The following ADAM10 variants were observed in gnomAD, a reference collection of about 807,000 sequenced individuals.
The protein encoded by ADAM10 is ADAM metallopeptidase domain 10.
Under a neutral mutation model 90.1 loss-of-function variants are expected in ADAM10, and 17 were observed. That is an observed-to-expected ratio of 0.19 (90% CI 0.13 to 0.28). ADAM10 has a LOEUF of 0.28. Among genes scored for constraint, ADAM10 ranks in the 10% least tolerant of loss-of-function variants. ADAM10 has a pLI of 1.00. For synonymous variants in ADAM10, 310 were observed against 298.6 expected, an observed-to-expected ratio of 1.04 and a Z score of -0.40; for missense variants, 610 against 914.3, an observed-to-expected ratio of 0.67 and a Z score of 4.29.
chr15:58,690,108 G>A (rs1194395201), intron 2 of ADAM10, among the ~76,000 whole-genome samples: 1 of 152,136 alleles, frequency 6.6e-6, no homozygotes, highest in Admixed American at 6.5e-5. Context: ...AATCATCAAT[G>A]TAATTCACCG....
intron 4 of ADAM10, among the ~76,000 whole-genome samples, chr15:58,669,464 A>G (rs550179800): frequency 6.6e-6 from 1 of 152,130 alleles, no homozygotes; most frequent in Non-Finnish European, 1.5e-5. Context: ...AGGAGATTAC[A>G]CCTAAGTTGT....
At position 58,686,404 on chromosome 15, in the gene ADAM10, C is replaced by T. The variant is rs1246772392; in HGVS notation, c.207-4090G>A. 10 of 1,179,750 alleles carry T rather than the reference C, an allele frequency of 8.5e-6. No homozygotes were observed. The East Asian group carries it at 1.8e-4, about 21-fold the overall frequency. 73.1% of individuals were successfully genotyped at this position (1,179,750 alleles called of 1,614,324 possible). On this transcript the variant is annotated intron_variant, in intron 2 of 15. Coordinates refer to ENST00000260408, the MANE Select transcript of ADAM10 (RefSeq NM_001110.4). The stretch of plus-strand genomic sequence containing the variant: ...AGGCTGGGCCCTCGGAGCCCAGCGC[C>T]GCCACCATGTCCTCTGGGGCTAGCG...
intron 2 of ADAM10, chr15:58,692,961 AGGGTT>A (rs1897870457): frequency 2.7e-6 from 2 of 736,624 alleles, no homozygotes; most frequent in East Asian, 5.8e-5. Flanking sequence ...TGCATTCCCG[AGGGTT>A]GGGGATGATG....
At chr15:58,685,545 AATATATATATATAT>A (rs56776777) in intron 2 of ADAM10, among the ~76,000 whole-genome samples, 8,737 of 116,190 alleles carry the variant, frequency 0.075, 370 homozygotes, top group East Asian at 0.13. Flanking sequence ...TATGAAGGAG[AATATATATATATAT>A]ATATATATAT....
intron 2 of ADAM10, chr15:58,698,454 T>C (rs944160926): frequency 3.4e-6 from 1 of 292,308 alleles, no homozygotes; most frequent in East Asian, 1.2e-4. Context: ...CGTGAACCTG[T>C]AGTCCCAACT....
chr15:58,665,464 A>G (rs1033067481), intron 4 of ADAM10, among the ~76,000 whole-genome samples: 1 of 152,138 alleles, frequency 6.6e-6, no homozygotes, highest in Non-Finnish European at 1.5e-5. Flanking sequence ...ACCACTCATT[A>G]TTCTGACCCT....
At chr15:58,607,911 A>G (rs1461327472) in intron 14 of ADAM10, among the ~76,000 whole-genome samples, 1 of 152,138 alleles carries the variant, frequency 6.6e-6, no homozygotes, top group Non-Finnish European at 1.5e-5. Context: ...CAATGCCCTC[A>G]ATCCCTAATT....
In ADAM10 at chr15:58,599,629, A is replaced by G. The variant is rs374768516; in HGVS notation, c.2121T>C (p.Asn707=). Residue 707 remains asparagine (N), a synonymous_variant, in exon 15 of 16, where the codon AAT becomes AAC. Transcript: ENST00000260408. ...KICSVHTPSS[N]PKLPPPKPLP... ...GTGGTTTAGGAGGAGGCAACTTTGGATTACTACTTGGAGTATGAACACTGC... is the reference window on the plus strand; with the variant it reads ...GTGGTTTAGGAGGAGGCAACTTTGGGTTACTACTTGGAGTATGAACACTGC... 1 of 1,613,616 alleles carries G rather than the reference A, an allele frequency of 6.2e-7. No individual in the cohort carries two copies. Among genetic ancestry groups the G allele is most frequent in the Non-Finnish European group, 8.5e-7 (1 of 1,179,750 alleles).
chr15:58,702,055 G>A (rs1179812319), intron 2 of ADAM10, among the ~76,000 whole-genome samples: 6 of 152,062 alleles, frequency 3.9e-5, no homozygotes, highest in African/African-American at 4.8e-5. Context: ...GCAGTGAGCC[G>A]AGATCGCACC....
At chr15:58,626,574 G>C (rs879699104) in intron 10 of ADAM10, among the ~76,000 whole-genome samples, 4 of 152,106 alleles carry the variant, frequency 2.6e-5, no homozygotes, top group Non-Finnish European at 5.9e-5. Context: ...CATAACAGAT[G>C]ACTGGAAGAA....
chr15:58,737,971 A>C (rs1899484898), intron 1 of ADAM10, among the ~76,000 whole-genome samples: 1 of 152,210 alleles, frequency 6.6e-6, no homozygotes, highest in Admixed American at 6.5e-5. Flanking sequence ...TTGGCTATAC[A>C]ATCTTAAGAA....
chr15:58,736,231 T>G (rs1310725147), intron 1 of ADAM10, among the ~76,000 whole-genome samples: 1 of 152,184 alleles, frequency 6.6e-6, no homozygotes, highest in African/African-American at 2.4e-5. Context: ...AGCTCCACCC[T>G]ACAAGATAGT....
Position 58,644,275 on chromosome 15 carries a change from G to A in ADAM10, c.736-297C>T, listed in dbSNP as rs562655386. 1.4e-4 allele frequency among the ~76,000 whole-genome samples: 20 copies of A among 146,912 alleles called. No homozygotes were observed. In the South Asian group the frequency reaches 3.2e-3, roughly 24 times the overall value. Reference sequence around the variant, plus strand: ...ACAAGAGTCTTGCTCTGTTGCCCACGCTGGAGTGCAGTGTTGCAATCTCGG... The same window carrying A: ...ACAAGAGTCTTGCTCTGTTGCCCACACTGGAGTGCAGTGTTGCAATCTCGG... On this transcript the variant is annotated intron_variant, in intron 6 of 15. Coordinates refer to ENST00000260408, the MANE Select transcript of ADAM10 (RefSeq NM_001110.4).
intron 1 of ADAM10, chr15:58,747,923 G>A (rs1899843079): frequency 6.6e-6 from 1 of 152,016 alleles, no homozygotes; most frequent in African/African-American, 2.4e-5. Flanking sequence ...TTACCTTATA[G>A]AGAACAGTGT....
intron 8 of ADAM10, 97 bp downstream of exon 8, chr15:58,640,680 G>A: frequency 1.8e-6 from 2 of 1,128,520 alleles, no homozygotes; most frequent in East Asian, 5.1e-5. Context: ...TATTATACAG[G>A]CATCACTTTC....
chr15:58,696,718 G>A (rs1361154398), intron 2 of ADAM10, among the ~76,000 whole-genome samples: 6 of 152,062 alleles, frequency 3.9e-5, no homozygotes, highest in Admixed American at 3.3e-4. Context: ...ACCCACTTCA[G>A]CCTGGGAAAG....
intron 2 of ADAM10, among the ~76,000 whole-genome samples, chr15:58,712,618 G>C (rs1485727160): frequency 6.6e-6 from 1 of 151,060 alleles, no homozygotes; most frequent in African/African-American, 2.4e-5. Context: ...AGGAGATCAA[G>C]ACCATCCTGG....
rs1894927681 is a variant in ADAM10, at chr15:58,595,560, AT to A, written c.*1986del. 6.6e-6 allele frequency: 1 copy of A among 152,164 alleles called. No individual in the cohort carries two copies. The highest frequency in any genetic ancestry group is 2.4e-5 in the African/African-American group (1 of 41,466). The allele number at this position is 152,164 out of a possible 1,614,324, so 9.4% of individuals were successfully genotyped here. Reference sequence around the variant, plus strand: ...AAAACTGACAGTAGTATTAGATCTCATTTGTCTTGATCCTTTTATATTACCA... The same window carrying A: ...AAAACTGACAGTAGTATTAGATCTCATTGTCTTGATCCTTTTATATTACCA... On this transcript the variant is annotated 3_prime_UTR_variant, in exon 16 of 16. Transcript: ENST00000260408.
intron 6 of ADAM10, 45 bp downstream of exon 6, chr15:58,646,010 T>C (rs199842822): frequency 3.7e-6 from 6 of 1,605,328 alleles, no homozygotes; most frequent in Non-Finnish European, 5.1e-6. Context: ...ATAGGCATTA[T>C]AAAACAATAT....
Sources: allele counts gnomAD v4.1 joint callset (sites outside exome capture counted in the v4.1 genomes callset), GRCh38; gene constraint gnomAD v4.1.1; transcripts MANE v1.5; gene names NCBI Gene and HGNC (gene_info 2026-07-23, HGNC 2026-07-21).